Variants in TASOR2 observed in about 807,000 individuals in gnomAD.
TASOR2 encodes transcription activation suppressor family member 2.
A neutral mutation model predicts 199.5 loss-of-function variants in TASOR2; 84 were observed. That is an observed-to-expected ratio of 0.42 (90% CI 0.35 to 0.50). The LOEUF is 0.50. Among genes scored for constraint, TASOR2 ranks in the 20% least tolerant of loss-of-function variants. The pLI is 0.02. For missense variants in TASOR2, 2,796 were observed against 2,835.9 expected (o/e 0.99, Z 0.32); for synonymous variants, 1,103 against 1,046.6 (o/e 1.05, Z -1.04).
intron 6 of TASOR2, among the ~76,000 whole-genome samples, chr10:5,721,620 A>G (rs781306816): frequency 3.9e-5 from 6 of 152,208 alleles, no homozygotes; most frequent in Non-Finnish European, 8.8e-5. Context: ...ATAAGCAAAT[A>G]GAGAAGGGAA....
chr10:5,721,023 G>GT (rs765874390), intron 6 of TASOR2, 53 bp downstream of exon 7: 259 of 1,454,530 alleles, frequency 1.8e-4, no homozygotes, highest in Admixed American at 1.2e-3. Context: ...AAGTTTTGGG[G>GT]TTTTTTTTCC....
intron 10 of TASOR2, among the ~76,000 whole-genome samples, chr10:5,728,055 T>A (rs1042537535): frequency 1.1e-4 from 16 of 151,720 alleles, no homozygotes; most frequent in Non-Finnish European, 2.2e-4. Context: ...AGACCCTGTT[T>A]CTACAAAAAA....
intron 1 of TASOR2, among the ~76,000 whole-genome samples, chr10:5,695,890 G>A (rs1837087342): frequency 6.6e-6 from 1 of 152,168 alleles, no homozygotes; most frequent in African/African-American, 2.4e-5. Context: ...CAGGACTTCT[G>A]AAGTCAAGAA....
At chr10:5,717,845 C>A in intron 3 of TASOR2, 95 bp downstream of exon 4, 1 of 458,726 alleles carries the variant, frequency 2.2e-6, no homozygotes, top group Non-Finnish European at 3.5e-6. Flanking sequence ...ACATAGTTCT[C>A]ACCAAAGTTA....
rs906772930 is a variant in TASOR2, at chr10:5,706,508, G to A, written c.-287-6315G>A. ...TCCAGAAAGGTCCTTCCAAAAAAAA[G>A]AAAAGAAGCTGCTCAAAACAGACAA... On this transcript the variant is annotated intron_variant, in intron 1 of 20. Coordinates refer to ENST00000328090, the Ensembl canonical transcript of TASOR2. This position sits in a 1 kb window ranked among gnomAD's most constrained non-coding sequence, Gnocchi z 4.8. Among the ~76,000 whole-genome samples the A allele has an allele frequency of 3.3e-5, 5 of 152,114 alleles. No individual in the cohort carries two copies. In the East Asian group the frequency reaches 9.6e-4, roughly 29 times the overall value.
In TASOR2 at chr10:5,748,246, A is replaced by G. The variant is rs751734074; in HGVS notation, c.4825A>G (p.Thr1609Ala). 29 of 1,614,240 alleles carry G rather than the reference A, an allele frequency of 1.8e-5. No homozygotes were observed. The South Asian group carries it at 2.6e-4, about 15-fold the overall frequency. Residue 1609 changes from threonine to alanine, a missense_variant, in exon 15 of 21, where the codon ACT (threonine) becomes GCT (alanine). Around this residue, in one of 3 missense-constraint regions of TASOR2, gnomAD observed 1,941 missense variants for 1,924.9 expected, o/e 1.01. Transcript: ENST00000328090. This position sits in a 1 kb window ranked among gnomAD's most constrained non-coding sequence, Gnocchi z 5.1. ...AGTGAATGTGTCAGTAAAACAGCAG[A>G]CTAGCCCTAAAAGCAGTCAGAACCA...
Position 5,687,174 on chromosome 10 carries a change from A to G in TASOR2, c.-288+1999A>G, listed in dbSNP as rs760414305. Among the ~76,000 whole-genome samples, 22 of 152,312 alleles carry G rather than the reference A, an allele frequency of 1.4e-4. No individual in the cohort carries two copies. The highest frequency in any genetic ancestry group is 3.3e-4 in the Admixed American group (5 of 15,292). ...TTTTGTCAGTACATGTTAATGGTAT[A>G]TTTCATAACAAAAATTAATAAAAGC... is the stretch of plus-strand genomic sequence containing the variant. On this transcript the variant is annotated intron_variant, in intron 1 of 20. Transcript: ENST00000328090. This position sits in a 1 kb window ranked among gnomAD's most constrained non-coding sequence, Gnocchi z 4.8.
chr10:5,727,890 G>C lies in TASOR2; in HGVS notation c.487+767G>C, dbSNP rs574730991. Among the ~76,000 whole-genome samples the C allele has an allele frequency of 3.9e-5, 6 of 152,114 alleles. No homozygotes were observed. The South Asian group carries it at 8.3e-4, about 21-fold the overall frequency. On this transcript the variant is annotated intron_variant, in intron 10 of 20. Transcript: ENST00000328090. ...TATCCCTAGTGCCTAGCAATGCCAGGCACCTATAAAATAATAAATATTTGC... is the reference window on the plus strand; with the variant it reads ...TATCCCTAGTGCCTAGCAATGCCAGCCACCTATAAAATAATAAATATTTGC...
intron 10 of TASOR2, among the ~76,000 whole-genome samples, chr10:5,727,355 A>G (rs1834178699): frequency 1.3e-5 from 2 of 152,178 alleles, no homozygotes; most frequent in South Asian, 2.1e-4. Flanking sequence ...AGATATCTCA[A>G]AGGTGCCTTA....
At chr10:5,708,288 C>T (rs985490984) in intron 1 of TASOR2, among the ~76,000 whole-genome samples, 1 of 152,100 alleles carries the variant, frequency 6.6e-6, no homozygotes, top group Non-Finnish European at 1.5e-5. Context: ...CATACTATTT[C>T]TGCTATCTAG....
Position 5,737,322 on chromosome 10 carries a change from T to A in TASOR2, c.1447+1776T>A, listed in dbSNP as rs1334565965. Among the ~76,000 whole-genome samples, 5 of 151,922 alleles carry A rather than the reference T, an allele frequency of 3.3e-5. No individual in the cohort carries two copies. Among genetic ancestry groups the A allele is most frequent in the Non-Finnish European group, 7.4e-5 (5 of 67,980 alleles). The stretch of plus-strand genomic sequence containing the variant: ...TTTTCAACTTAAGCATACCCTGAGA[T>A]TCTTTAAGTTTTTTCAGATTGTTTT... On this transcript the variant is annotated intron_variant, in intron 12 of 20. Coordinates refer to ENST00000328090, the Ensembl canonical transcript of TASOR2. This position sits in a 1 kb window ranked among gnomAD's most constrained non-coding sequence, Gnocchi z 4.9.
In TASOR2 at chr10:5,736,456, G is replaced by C. The variant is rs185338982; in HGVS notation, c.1447+910G>C. Among the ~76,000 whole-genome samples, 888 of 151,630 alleles carry C rather than the reference G, an allele frequency of 5.9e-3. 4 individuals are homozygous for C. The highest frequency in any genetic ancestry group is 0.012 in the South Asian group (57 of 4,802). On this transcript the variant is annotated intron_variant, in intron 12 of 20. Transcript: ENST00000328090. ...AGAGAGAGAGACGGGGTTTCACCAT[G>C]TTGCCTAGGCTGGTCTTGAACTCCT...
chr10:5,748,076 T>G lies in TASOR2; in HGVS notation c.4655T>G (p.Leu1552Trp). The G allele has an allele frequency of 6.2e-7, 1 of 1,614,246 alleles. No individual in the cohort carries two copies. The highest frequency in any genetic ancestry group is 8.5e-7 in the Non-Finnish European group (1 of 1,180,030). Residue 1552 changes from leucine (L) to tryptophan (W), a missense_variant, in exon 15 of 21, where the codon TTG becomes TGG. Leu to Trp is a moderately conservative substitution (Grantham distance 61). Transcript: ENST00000328090. The surrounding 1 kb of genome is among the most constrained non-coding windows in gnomAD (Gnocchi z 5.1). ...AAACTGGTAAAATCAGGAAATCCAT[T>G]GCAGCCAGTTAGTATAGAGAATAGA...
In TASOR2 at chr10:5,722,663, T is replaced by C. The variant is rs1261498559; in HGVS notation, c.147-1014T>C. ...GGGTATTAAAGAGTTCTTTGTCCTA[T>C]GTTTGCAACTTTTGTATAAGTGTAA... On this transcript the variant is annotated intron_variant, in intron 6 of 20. Coordinates refer to ENST00000328090, the Ensembl canonical transcript of TASOR2. This position sits in a 1 kb window ranked among gnomAD's most constrained non-coding sequence, Gnocchi z 4.0. 6.6e-6 allele frequency among the ~76,000 whole-genome samples: 1 copy of C among 152,138 alleles called. No homozygotes were observed. The highest frequency in any genetic ancestry group is 2.4e-5 in the African/African-American group (1 of 41,430).
chr10:5,694,093 GA>G (rs1001101530), intron 1 of TASOR2, among the ~76,000 whole-genome samples: 10 of 144,432 alleles, frequency 6.9e-5, no homozygotes, highest in African/African-American at 1.5e-4. Context: ...GGAATGGGGA[GA>G]AAAAAAAAAG....
chr10:5,735,304 G>A (rs755525978), exon 12 of TASOR2: 1 of 1,613,156 alleles, frequency 6.2e-7, no homozygotes, highest in Non-Finnish European at 8.5e-7. Flanking sequence ...TCTACATAAG[G>A]TGCGGAAGTG....
At chr10:5,761,532 A>G in intron 19 of TASOR2, 61 bp downstream of exon 20, 1 of 1,439,604 alleles carries the variant, frequency 6.9e-7, no homozygotes, top group Non-Finnish European at 9.6e-7. Context: ...AGGAATGTCA[A>G]AGTTAGATAC....
intron 15 of TASOR2, among the ~76,000 whole-genome samples, chr10:5,753,511 C>T (rs752483497): frequency 3.3e-5 from 5 of 152,264 alleles, no homozygotes; most frequent in East Asian, 1.9e-4. Flanking sequence ...TACAGGCGCC[C>T]GCCACCATGC....
chr10:5,748,039 CCTT>C lies in TASOR2; in HGVS notation c.4621_4623del (p.Ser1541del), dbSNP rs763467493. 12 of 1,613,988 alleles carry C rather than the reference CCTT, an allele frequency of 7.4e-6. No individual in the cohort carries two copies. The highest frequency in any genetic ancestry group is 4.0e-5 in the African/African-American group (3 of 74,930). ...TGCCAAATGCACAGGTGACTTCAGTCCTTCTCCTGAAAAACTGGTAAAATCAGG... is the reference window on the plus strand; with the variant it reads ...TGCCAAATGCACAGGTGACTTCAGTCCTCCTGAAAAACTGGTAAAATCAGG... On this transcript the variant is annotated inframe_deletion, in exon 15 of 21. Transcript: ENST00000328090. This position sits in a 1 kb window ranked among gnomAD's most constrained non-coding sequence, Gnocchi z 5.1.
Sources: gnomAD v4.1 joint callset for allele counts (sites outside exome capture counted in the v4.1 genomes callset) on GRCh38, gnomAD v4.1.1 for gene constraint, gnomAD v4.1.1 regional missense constraint, Gnocchi (gnomAD v3.1) non-coding constraint, MANE v1.5 for transcripts, NCBI Gene and HGNC (gene_info 2026-07-23, HGNC 2026-07-21) for gene names.